DCLK1: variants seen among roughly 807,000 people sequenced by gnomAD.
The protein encoded by DCLK1 is doublecortin like kinase 1.
A neutral mutation model predicts 86.2 loss-of-function variants in DCLK1; 16 were observed. That is an observed-to-expected ratio of 0.19 (90% CI 0.13 to 0.28). The LOEUF is 0.28. Ranked by LOEUF, DCLK1 falls within the 10% of genes least tolerant of loss-of-function variation. The probability of loss-of-function intolerance (pLI) is 1.00; values close to 1 mark genes in which losing one functional copy is unlikely to be tolerated. For missense variants in DCLK1, 590 were observed against 940.2 expected (o/e 0.63, Z 4.87); for synonymous variants, 369 against 370.5 (o/e 1.00, Z 0.05).
chr13:36,030,411 C>G (rs1007326058), intron 3 of DCLK1, among the ~76,000 whole-genome samples: 15 of 151,910 alleles, frequency 9.9e-5, no homozygotes, highest in Non-Finnish European at 2.2e-4. Flanking sequence ...ATTCTCCTGC[C>G]CCAGCCTCCC....
At chr13:35,969,108 C>T (rs959628384) in intron 3 of DCLK1, among the ~76,000 whole-genome samples, 1 of 152,188 alleles carries the variant, frequency 6.6e-6, no homozygotes. Context: ...ATTTTCACTT[C>T]TCCTGCAACT....
intron 4 of DCLK1, among the ~76,000 whole-genome samples, chr13:35,902,573 T>C (rs1210234356): frequency 6.6e-6 from 1 of 152,148 alleles, no homozygotes; most frequent in East Asian, 1.9e-4. Context: ...TCAGGAATGA[T>C]GAAGGATGTA....
At chr13:35,923,458 C>A (rs959332500) in intron 4 of DCLK1, among the ~76,000 whole-genome samples, 1 of 151,866 alleles carries the variant, frequency 6.6e-6, no homozygotes. Context: ...GGTGGGCTGC[C>A]CTGGGCCTAG....
intron 6 of DCLK1, chr13:35,849,566 C>T: frequency 1.0e-6 from 1 of 978,092 alleles, no homozygotes; most frequent in Non-Finnish European, 1.2e-6. Flanking sequence ...AACATTCAGA[C>T]TTTAAAATCA....
At chr13:35,902,198 C>T (rs1275410888) in intron 4 of DCLK1, among the ~76,000 whole-genome samples, 3 of 152,164 alleles carry the variant, frequency 2.0e-5, no homozygotes, top group African/African-American at 7.2e-5. Context: ...AACTGACTTG[C>T]CCACAGTTAA....
intron 3 of DCLK1, among the ~76,000 whole-genome samples, chr13:36,090,754 C>T (rs771133145): frequency 9.2e-5 from 14 of 152,008 alleles, no homozygotes; most frequent in Non-Finnish European, 1.5e-4. Context: ...GATACGGGGG[C>T]GAATGCTCTC....
intron 4 of DCLK1, among the ~76,000 whole-genome samples, chr13:35,891,549 C>T (rs1359846369): frequency 3.9e-5 from 6 of 152,082 alleles, no homozygotes; most frequent in Non-Finnish European, 5.9e-5. Flanking sequence ...ATTGTGGTGA[C>T]GACTGCACAA....
intron 4 of DCLK1, among the ~76,000 whole-genome samples, chr13:35,932,145 C>A (rs530969979): frequency 6.6e-6 from 1 of 152,162 alleles, no homozygotes; most frequent in African/African-American, 2.4e-5. Flanking sequence ...ATCCAATCCA[C>A]GAAAGCCTGA....
intron 3 of DCLK1, among the ~76,000 whole-genome samples, chr13:36,063,543 A>C (rs1883635039): frequency 6.6e-6 from 1 of 152,214 alleles, no homozygotes; most frequent in South Asian, 2.1e-4. Flanking sequence ...CATCAGTTAC[A>C]GAAGAAAGGA....
At chr13:35,792,156 G>C (rs1202539117) in intron 16 of DCLK1, among the ~76,000 whole-genome samples, 1 of 152,212 alleles carries the variant, frequency 6.6e-6, no homozygotes, top group East Asian at 1.9e-4. Context: ...GGAAGAGTAG[G>C]CATTCCCTTT....
intron 5 of DCLK1, chr13:35,855,934 C>T (rs920052516): frequency 3.3e-5 from 28 of 847,352 alleles, no homozygotes; most frequent in Admixed American, 1.2e-4. Flanking sequence ...AGCCTGGTGA[C>T]TACCAGGTAA....
chr13:35,847,597 G>A, intron 6 of DCLK1: 1 of 857,342 alleles, frequency 1.2e-6, no homozygotes, highest in South Asian at 5.7e-5. Context: ...AATCTGACTT[G>A]CACACTTCAT....
chr13:35,896,863 A>C (rs2153121014), intron 4 of DCLK1, among the ~76,000 whole-genome samples: 1 of 152,300 alleles, frequency 6.6e-6, no homozygotes, highest in Non-Finnish European at 1.5e-5. Flanking sequence ...CTAGATGCTC[A>C]GAAAACGGAC....
chr13:35,958,220 C>CATT (rs1593768549), intron 3 of DCLK1, among the ~76,000 whole-genome samples: 5 of 138,202 alleles, frequency 3.6e-5, no homozygotes, highest in East Asian at 2.0e-4. Flanking sequence ...CCATCACCAC[C>CATT]ACCACTATAA....
intron 6 of DCLK1, among the ~76,000 whole-genome samples, chr13:35,851,553 C>T (rs1870640327): frequency 6.6e-6 from 1 of 152,078 alleles, no homozygotes; most frequent in Non-Finnish European, 1.5e-5. Flanking sequence ...TAATGGGGAG[C>T]TTCATTCAGC....
intron 12 of DCLK1, among the ~76,000 whole-genome samples, chr13:35,810,510 A>G (rs781688226): frequency 6.6e-6 from 1 of 152,208 alleles, no homozygotes; most frequent in South Asian, 2.1e-4. Context: ...TGTTTCTTTT[A>G]TCTCCAAATG....
intron 6 of DCLK1, among the ~76,000 whole-genome samples, chr13:35,844,484 T>C (rs1353423339): frequency 4.6e-5 from 7 of 152,230 alleles, no homozygotes; most frequent in African/African-American, 1.7e-4. Context: ...ATTGATAATC[T>C]GAACCATTTG....
intron 3 of DCLK1, among the ~76,000 whole-genome samples, chr13:36,050,747 G>A (rs1406053767): frequency 6.6e-6 from 1 of 151,968 alleles, no homozygotes; most frequent in Non-Finnish European, 1.5e-5. Flanking sequence ...CATCTCCACC[G>A]GTGTCCCTTG....
chr13:35,897,568 C>T (rs1185040380), intron 4 of DCLK1, among the ~76,000 whole-genome samples: 1 of 152,114 alleles, frequency 6.6e-6, no homozygotes, highest in Non-Finnish European at 1.5e-5. Flanking sequence ...GAGAACTTTT[C>T]CCATTAAAGG....
Sources: gnomAD v4.1 joint callset for allele counts (sites outside exome capture counted in the v4.1 genomes callset) on GRCh38, gnomAD v4.1.1 for gene constraint, MANE v1.5 for transcripts, NCBI Gene and HGNC (gene_info 2026-07-23, HGNC 2026-07-21) for gene names.